NRXN1: variants seen among roughly 807,000 people sequenced by gnomAD.
The protein encoded by NRXN1 is neurexin 1.
NRXN1 carries 39 observed loss-of-function variants against 150.9 expected under a neutral mutation model. The observed-to-expected ratio is 0.26, with a 90% CI of 0.20 to 0.34. The LOEUF is 0.34. Ranked by LOEUF, NRXN1 falls within the 10% of genes least tolerant of loss-of-function variation. NRXN1 has a pLI of 1.00. For synonymous variants in NRXN1, 924 were observed against 757.0 expected, an observed-to-expected ratio of 1.22 and a Z score of -3.62; for missense variants, 1,815 against 1,949.9, an observed-to-expected ratio of 0.93 and a Z score of 1.30.
intron 9 of NRXN1, among the ~76,000 whole-genome samples, chr2:50,547,166 T>G (rs559580083): frequency 1.7e-3 from 254 of 152,278 alleles, no homozygotes; most frequent in Middle Eastern, 3.4e-3. Flanking sequence ...TCTCAATGGC[T>G]TCTTAGCTGT....
intron 8 of NRXN1, chr2:50,615,515 G>A (rs1009590202): frequency 5.9e-5 from 9 of 152,132 alleles, no homozygotes; most frequent in Admixed American, 4.6e-4. Context: ...AATAATTGCA[G>A]GAACAGGTTC....
chr2:50,832,161 A>G (rs1671497424), intron 5 of NRXN1, among the ~76,000 whole-genome samples: 1 of 152,180 alleles, frequency 6.6e-6, no homozygotes, highest in African/African-American at 2.4e-5. Flanking sequence ...CTAAACTAGA[A>G]TGATCCTGGC....
chr2:50,476,443 AT>A (rs1247477479), intron 15 of NRXN1, among the ~76,000 whole-genome samples: 1 of 152,048 alleles, frequency 6.6e-6, no homozygotes, highest in East Asian at 1.9e-4. Flanking sequence ...CAGATTCTTC[AT>A]CTATGAAATG....
intron 17 of NRXN1, among the ~76,000 whole-genome samples, chr2:50,396,924 A>G (rs1413316871): frequency 2.6e-5 from 4 of 152,106 alleles, no homozygotes; most frequent in Non-Finnish European, 5.9e-5. Flanking sequence ...AAAGTTGTTG[A>G]AGGTTGATCG....
intron 21 of NRXN1, among the ~76,000 whole-genome samples, chr2:49,970,979 G>A (rs1198262025): frequency 1.3e-5 from 2 of 152,118 alleles, no homozygotes; most frequent in East Asian, 3.9e-4. Flanking sequence ...ACGCTGTTCA[G>A]CTGTGGATTT....
In NRXN1 at chr2:50,465,459, C is replaced by T. The variant is rs1394715368; in HGVS notation, c.3347G>A (p.Gly1116Glu). The change falls in exon 17 of 23, where the codon GGA becomes GAA. Residue 1116 changes from glycine to glutamate, a missense_variant. By Grantham distance (98) the Gly-to-Glu change is moderately conservative (BLOSUM62 -2). Transcript: ENST00000401669. ...SCDCSMTSFS[G>E]PLCNDPGTTY... is the part of the protein sequence containing the mutation. ...GTACTTACGGTCATTGCAGAGTGGT[C>T]CACTGAAGGAAGTCATACTACAGTC... is the stretch of plus-strand genomic sequence containing the variant. 6.2e-7 allele frequency: 1 copy of T among 1,609,852 alleles called. No homozygotes were observed. The highest frequency in any genetic ancestry group is 2.2e-5 in the East Asian group (1 of 44,732).
At chr2:50,298,397 T>A (rs1007571099) in intron 17 of NRXN1, among the ~76,000 whole-genome samples, 13 of 152,282 alleles carry the variant, frequency 8.5e-5, no homozygotes, top group Admixed American at 1.3e-4. Context: ...ACAGCTTTTT[T>A]CTTGAACACT....
At chr2:50,595,446 T>C (rs1313660033) in intron 8 of NRXN1, among the ~76,000 whole-genome samples, 6 of 150,824 alleles carry the variant, frequency 4.0e-5, no homozygotes, top group African/African-American at 9.8e-5. Context: ...AATACCCACC[T>C]CTCCTCCTAC....
intron 17 of NRXN1, among the ~76,000 whole-genome samples, chr2:50,344,413 G>T (rs996424160): frequency 6.6e-6 from 1 of 152,132 alleles, no homozygotes; most frequent in Non-Finnish European, 1.5e-5. Flanking sequence ...CAGAAGAGGA[G>T]CAGCCTCTTC....
chr2:50,749,990 G>C (rs1415877746), intron 5 of NRXN1, among the ~76,000 whole-genome samples: 1 of 152,060 alleles, frequency 6.6e-6, no homozygotes, highest in African/African-American at 2.4e-5. Context: ...TAAAATAAAA[G>C]ATTGTATCCT....
chr2:50,317,634 CA>C (rs2075718943), intron 17 of NRXN1, among the ~76,000 whole-genome samples: 1 of 151,386 alleles, frequency 6.6e-6, no homozygotes, highest in African/African-American at 2.4e-5. Flanking sequence ...GTATATAAAA[CA>C]AAGGAAAATA....
intron 17 of NRXN1, among the ~76,000 whole-genome samples, chr2:50,266,099 A>T (rs1293873148): frequency 6.7e-6 from 1 of 149,822 alleles, no homozygotes; most frequent in Non-Finnish European, 1.5e-5. Context: ...CCTGGGTTCA[A>T]CCGACTCCCC....
chr2:50,197,030 A>C (rs2061819036), intron 18 of NRXN1, among the ~76,000 whole-genome samples: 1 of 152,164 alleles, frequency 6.6e-6, no homozygotes, highest in African/African-American at 2.4e-5. Flanking sequence ...CTATGTAACA[A>C]ATCTTCACAT....
chr2:50,736,417 G>A (rs977717753), intron 5 of NRXN1, among the ~76,000 whole-genome samples: 1 of 151,830 alleles, frequency 6.6e-6, no homozygotes, highest in Non-Finnish European at 1.5e-5. Context: ...TTTGTGGAAC[G>A]CCCTAGTGAG....
Position 49,918,852 on chromosome 2 carries a change from A to G in NRXN1, c.*3092T>C, listed in dbSNP as rs1240745873. The G allele has an allele frequency of 6.6e-6, 1 of 152,162 alleles. No homozygotes were observed. The highest frequency in any genetic ancestry group is 1.5e-5 in the Non-Finnish European group (1 of 67,982). The allele number at this position is 152,162 out of a possible 1,614,324, so 9.4% of individuals were successfully genotyped here. On this transcript the variant is annotated 3_prime_UTR_variant, in exon 23 of 23. Transcript: ENST00000401669. ...GTGCCGCATATAATTTTTAAAATCA[A>G]TAAATCACAGTTGTATTAAGAAATA...
At chr2:50,394,614 C>T (rs1164730439) in intron 17 of NRXN1, among the ~76,000 whole-genome samples, 1 of 152,028 alleles carries the variant, frequency 6.6e-6, no homozygotes, top group Non-Finnish European at 1.5e-5. Context: ...TTGTGGACGC[C>T]TGCTACAGCA....
At chr2:50,137,975 TTGAC>T in intron 18 of NRXN1, among the ~76,000 whole-genome samples, 1 of 152,354 alleles carries the variant, frequency 6.6e-6, no homozygotes, top group East Asian at 1.9e-4. Flanking sequence ...TTTGGTTTAC[TTGAC>T]TGGACTTGTA....
intron 5 of NRXN1, chr2:50,917,011 T>A (rs907506926): frequency 6.6e-6 from 1 of 151,728 alleles, no homozygotes; most frequent in Non-Finnish European, 1.5e-5. Context: ...GCCTTCTATG[T>A]GTACTGTATA....
intron 8 of NRXN1, among the ~76,000 whole-genome samples, chr2:50,567,612 T>C (rs2105436667): frequency 6.6e-6 from 1 of 152,258 alleles, no homozygotes; most frequent in East Asian, 1.9e-4. Flanking sequence ...AGCTCCACAA[T>C]GCTTTGGTAG....
Sources: allele counts gnomAD v4.1 joint callset (sites outside exome capture counted in the v4.1 genomes callset), GRCh38; gene constraint gnomAD v4.1.1; transcripts MANE v1.5; gene names NCBI Gene and HGNC (gene_info 2026-07-23, HGNC 2026-07-21).